Variants in ZRANB3 observed in about 807,000 individuals in gnomAD.
The protein encoded by ZRANB3 is DNA annealing helicase and endonuclease ZRANB3.
Under a neutral mutation model 133.8 loss-of-function variants are expected in ZRANB3, and 125 were observed. The ratio of observed to expected loss-of-function variants is 0.93; its 90% CI spans 0.81 to 1.08. The LOEUF (loss-of-function observed/expected upper bound fraction) is 1.08, where lower values mean the gene tolerates loss of function less well. Among genes scored for constraint, ZRANB3 ranks in the 50% least tolerant of loss-of-function variants. The pLI, the probability that ZRANB3 is intolerant of heterozygous loss-of-function variation, is 0.00. For synonymous variants in ZRANB3, 387 were observed against 432.7 expected (o/e 0.89, Z 1.31); for missense variants, 1,229 against 1,275.5 (o/e 0.96, Z 0.56).
rs1693450506 is a variant in ZRANB3, at chr2:135,197,320, T to A, written c.*3022A>T. 1 of 152,258 alleles carries A rather than the reference T, an allele frequency of 6.6e-6. No individual in the cohort carries two copies. 9.4% of individuals were successfully genotyped at this position (152,258 alleles called of 1,614,324 possible). The stretch of plus-strand genomic sequence containing the variant: ...AAGAGCTCAAGAGCATTGACTTTTT[T>A]GTCTGTCATATAATTTAAAATGCCT... On this transcript the variant is annotated 3_prime_UTR_variant, in exon 21 of 21. Transcript: ENST00000264159.
At chr2:135,497,967 C>T (rs534099278) in intron 2 of ZRANB3, among the ~76,000 whole-genome samples, 2 of 151,980 alleles carry the variant, frequency 1.3e-5, no homozygotes, top group South Asian at 2.1e-4. Context: ...GCAGGAGAAT[C>T]GCTGGAACCC....
At chr2:135,223,165 C>CGTT (rs992279373) in intron 15 of ZRANB3, among the ~76,000 whole-genome samples, 1 of 151,284 alleles carries the variant, frequency 6.6e-6, no homozygotes, top group African/African-American at 2.4e-5. Flanking sequence ...GCAGGAGAAT[C>CGTT]GTTTGAACCC....
intron 2 of ZRANB3, among the ~76,000 whole-genome samples, chr2:135,444,069 A>G (rs1284493712): frequency 6.6e-6 from 1 of 152,092 alleles, no homozygotes; most frequent in East Asian, 1.9e-4. Flanking sequence ...AATTAAAGCC[A>G]CAATGTAATA....
At chr2:135,300,803 G>C (rs1450989197) in intron 8 of ZRANB3, among the ~76,000 whole-genome samples, 1 of 152,054 alleles carries the variant, frequency 6.6e-6, no homozygotes, top group East Asian at 1.9e-4. Context: ...ATCCTAAGTG[G>C]ATTCTCTGCC....
Position 135,408,094 on chromosome 2 carries a change from C to A in ZRANB3, c.162-17274G>T, listed in dbSNP as rs569447105. 4.7e-3 allele frequency among the ~76,000 whole-genome samples: 712 copies of A among 151,640 alleles called. 8 individuals are homozygous for A. Among genetic ancestry groups the A allele is most frequent in the African/African-American group, 0.016 (662 of 41,132 alleles). On this transcript the variant is annotated intron_variant, in intron 2 of 20. Coordinates refer to ENST00000264159, the MANE Select transcript of ZRANB3 (RefSeq NM_032143.4). ...TACCCATCTGACAAAGGGCTAATAT[C>A]CAGAATCTACAATGAACTCAAACAA...
intron 3 of ZRANB3, chr2:135,355,318 A>AC: frequency 1.0e-6 from 1 of 967,458 alleles, no homozygotes; most frequent in Non-Finnish European, 1.2e-6. Flanking sequence ...GATTCTGGGA[A>AC]CAACTTGGTT....
At chr2:135,350,311 A>G (rs1685148727) in intron 4 of ZRANB3, 96 bp from the exon 5 acceptor site, 1 of 809,142 alleles carries the variant, frequency 1.2e-6, no homozygotes, top group Non-Finnish European at 1.9e-6. Context: ...AGGAGAAGAA[A>G]GAAGAATAGA....
At chr2:135,309,050 G>A (rs1177524960) in intron 8 of ZRANB3, among the ~76,000 whole-genome samples, 2 of 147,088 alleles carry the variant, frequency 1.4e-5, no homozygotes, top group Admixed American at 6.9e-5. Context: ...GTGCAATCTC[G>A]GCTCACTGCA....
At chr2:135,288,932 G>C (rs1433780122) in intron 8 of ZRANB3, among the ~76,000 whole-genome samples, 2 of 148,758 alleles carry the variant, frequency 1.3e-5, no homozygotes, top group East Asian at 3.9e-4. Flanking sequence ...ATTTACTTCT[G>C]CTCTGACTTT....
chr2:135,272,758 G>C (rs1156518878), intron 9 of ZRANB3, among the ~76,000 whole-genome samples: 1 of 151,972 alleles, frequency 6.6e-6, no homozygotes, highest in East Asian at 1.9e-4. Context: ...CCAGAGAGGT[G>C]GGGCACTGAG....
At chr2:135,350,747 C>A (rs1357011332) in intron 4 of ZRANB3, among the ~76,000 whole-genome samples, 1 of 152,152 alleles carries the variant, frequency 6.6e-6, no homozygotes, top group East Asian at 1.9e-4. Flanking sequence ...TATTAAAGGA[C>A]AGTGGAGTCC....
At chr2:135,348,153 G>T (rs1184167620) in intron 5 of ZRANB3, among the ~76,000 whole-genome samples, 1 of 151,978 alleles carries the variant, frequency 6.6e-6, no homozygotes, top group Non-Finnish European at 1.5e-5. Context: ...CAGCTACTCG[G>T]GAGGCTGAGG....
At chr2:135,396,944 A>G (rs1687519379) in intron 2 of ZRANB3, among the ~76,000 whole-genome samples, 1 of 152,116 alleles carries the variant, frequency 6.6e-6, no homozygotes, top group Non-Finnish European at 1.5e-5. Context: ...CCACAAAAAC[A>G]AAAAAGAAAA....
At chr2:135,400,776 A>G (rs866744893) in intron 2 of ZRANB3, among the ~76,000 whole-genome samples, 1 of 152,170 alleles carries the variant, frequency 6.6e-6, no homozygotes, top group Non-Finnish European at 1.5e-5. Flanking sequence ...CTCTGTTCTA[A>G]CACCGGAAAA....
chr2:135,279,211 A>G (rs142667600), intron 8 of ZRANB3, among the ~76,000 whole-genome samples: 56 of 152,346 alleles, frequency 3.7e-4, no homozygotes, highest in Non-Finnish European at 6.8e-4. Context: ...TAAAAAATTA[A>G]AAAGGAGGCA....
intron 4 of ZRANB3, among the ~76,000 whole-genome samples, chr2:135,352,194 G>A (rs1685236716): frequency 6.6e-6 from 1 of 151,786 alleles, no homozygotes. Context: ...TCAGCCAGGT[G>A]TGGTGGTGGT....
chr2:135,346,472 ATAGG>A (rs1189894413), intron 5 of ZRANB3, among the ~76,000 whole-genome samples: 12 of 152,180 alleles, frequency 7.9e-5, no homozygotes, highest in African/African-American at 2.7e-4. Context: ...ATATGAATAT[ATAGG>A]TATAGTACAT....
chr2:135,414,930 G>A (rs1688486034), intron 2 of ZRANB3, among the ~76,000 whole-genome samples: 1 of 151,970 alleles, frequency 6.6e-6, no homozygotes, highest in Admixed American at 6.6e-5. Context: ...CAACATACCA[G>A]AATCTCTGGG....
intron 2 of ZRANB3, among the ~76,000 whole-genome samples, chr2:135,498,477 C>G (rs1692782218): frequency 6.6e-6 from 1 of 152,134 alleles, no homozygotes; most frequent in Non-Finnish European, 1.5e-5. Flanking sequence ...TCTTCGTAAG[C>G]TGAGGATGAA....
Sources: allele counts gnomAD v4.1 joint callset (sites outside exome capture counted in the v4.1 genomes callset), GRCh38; gene constraint gnomAD v4.1.1; transcripts MANE v1.5; gene names NCBI Gene and HGNC (gene_info 2026-07-23, HGNC 2026-07-21).